The following KIRREL3 variants were observed in gnomAD, a reference collection of about 807,000 sequenced individuals.
The protein encoded by KIRREL3 is kirre like nephrin family adhesion molecule 3.
In KIRREL3, 36 loss-of-function variants were observed where a neutral mutation model predicts 89.7. The ratio of observed to expected loss-of-function variants is 0.40; its 90% CI spans 0.31 to 0.53. The LOEUF (loss-of-function observed/expected upper bound fraction) is 0.53, where lower values mean the gene tolerates loss of function less well. KIRREL3 is among the 20% of genes least tolerant of loss of function. The pLI, the probability that KIRREL3 is intolerant of heterozygous loss-of-function variation, is 0.49. For synonymous variants in KIRREL3, 445 were observed against 441.4 expected (o/e 1.01, Z -0.10); for missense variants, 864 against 1,056.6 (o/e 0.82, Z 2.53).
chr11:126,610,179 C>T lies in KIRREL3; in HGVS notation c.56-47267G>A, dbSNP rs146693037. Reference sequence around the variant, plus strand: ...GATCTCGGCTCACTGCAACCTTCGCCTCCCAGGTTCAAGCGATTCTCCTGC... The same window carrying T: ...GATCTCGGCTCACTGCAACCTTCGCTTCCCAGGTTCAAGCGATTCTCCTGC... On this transcript the variant is annotated intron_variant, in intron 1 of 16. Coordinates refer to ENST00000525144, the MANE Select transcript of KIRREL3 (RefSeq NM_032531.4). This position sits in a 1 kb window ranked among gnomAD's most constrained non-coding sequence, Gnocchi z 4.6. Among the ~76,000 whole-genome samples, 1,049 of 152,282 alleles carry T rather than the reference C, an allele frequency of 6.9e-3. 7 individuals are homozygous for T. Among genetic ancestry groups the T allele is most frequent in the African/African-American group, 0.024 (1,009 of 41,542 alleles).
Position 126,989,853 on chromosome 11 carries a change from G to A in KIRREL3, c.55+10602C>T, listed in dbSNP as rs1949974075. Among the ~76,000 whole-genome samples the A allele has an allele frequency of 6.6e-6, 1 of 152,214 alleles. No homozygotes were observed. Among genetic ancestry groups the A allele is most frequent in the African/African-American group, 2.4e-5 (1 of 41,452 alleles). On this transcript the variant is annotated intron_variant, in intron 1 of 16. Coordinates refer to ENST00000525144, the MANE Select transcript of KIRREL3 (RefSeq NM_032531.4). This position sits in a 1 kb window ranked among gnomAD's most constrained non-coding sequence, Gnocchi z 6.2. ...GATGTTCAAACAGCCATGGCCCGTGGTGGTTTTTTATAATGGTGTTGTTGG... is the reference window on the plus strand; with the variant it reads ...GATGTTCAAACAGCCATGGCCCGTGATGGTTTTTTATAATGGTGTTGTTGG...
chr11:126,513,499 C>T lies in KIRREL3; in HGVS notation c.433+7816G>A, dbSNP rs1316532672. Among the ~76,000 whole-genome samples the T allele has an allele frequency of 1.3e-5, 2 of 152,160 alleles. No individual in the cohort carries two copies. The highest frequency in any genetic ancestry group is 4.8e-5 in the African/African-American group (2 of 41,442). On this transcript the variant is annotated intron_variant, in intron 4 of 16. Transcript: ENST00000525144. This position sits in a 1 kb window ranked among gnomAD's most constrained non-coding sequence, Gnocchi z 5.9. Reference sequence around the variant, plus strand: ...GAAGGGAAAAGATGCGCTGAGTTTGCCTCCATCCCTGAGGGATCCTCTCTT... The same window carrying T: ...GAAGGGAAAAGATGCGCTGAGTTTGTCTCCATCCCTGAGGGATCCTCTCTT...
intron 1 of KIRREL3, among the ~76,000 whole-genome samples, chr11:126,717,228 G>A (rs1948000595): frequency 6.6e-6 from 1 of 152,186 alleles, no homozygotes. Context: ...CCTGAGGTTG[G>A]GAGTTAGGAG....
chr11:126,709,025 C>T lies in KIRREL3; in HGVS notation c.56-146113G>A, dbSNP rs909792115. 6.6e-5 allele frequency among the ~76,000 whole-genome samples: 10 copies of T among 152,310 alleles called. No individual in the cohort carries two copies. Among genetic ancestry groups the T allele is most frequent in the Admixed American group, 3.3e-4 (5 of 15,296 alleles). The stretch of plus-strand genomic sequence containing the variant: ...CACCCCAGGACAGCTTGTGTTATCA[C>T]GGCCAGGTGGATCTTTCTAGAACAC... On this transcript the variant is annotated intron_variant, in intron 1 of 16. Transcript: ENST00000525144. The surrounding 1 kb of genome is among the most constrained non-coding windows in gnomAD (Gnocchi z 4.0).
intron 1 of KIRREL3, among the ~76,000 whole-genome samples, chr11:126,827,390 C>G (rs969364550): frequency 5.9e-5 from 9 of 152,096 alleles, no homozygotes; most frequent in Admixed American, 2.0e-4. Flanking sequence ...ATTGGCCAGG[C>G]TGGTCTGGAA....
intron 1 of KIRREL3, among the ~76,000 whole-genome samples, chr11:126,785,526 T>C (rs1429097600): frequency 2.0e-5 from 3 of 152,072 alleles, no homozygotes; most frequent in African/African-American, 7.2e-5. Context: ...TACCGTCTGA[T>C]GCAATGTAAG....
At chr11:126,963,903 A>T (rs1422405092) in intron 1 of KIRREL3, among the ~76,000 whole-genome samples, 1 of 152,170 alleles carries the variant, frequency 6.6e-6, no homozygotes, top group East Asian at 1.9e-4. Flanking sequence ...AAAAATTTGC[A>T]CATGTCCCAT....
At position 126,476,882 on chromosome 11, in the gene KIRREL3, A is replaced by G. The variant is rs1271081785; in HGVS notation, c.434-3416T>C. ...GTATTATTCATCACCCCCTCGCAGG[A>G]TTGGTTATTATCCTCAACCACTATA... On this transcript the variant is annotated intron_variant, in intron 4 of 16. Coordinates refer to ENST00000525144, the MANE Select transcript of KIRREL3 (RefSeq NM_032531.4). The surrounding 1 kb of genome is among the most constrained non-coding windows in gnomAD (Gnocchi z 6.4). Among the ~76,000 whole-genome samples, 1 of 152,228 alleles carries G rather than the reference A, an allele frequency of 6.6e-6. No homozygotes were observed. Among genetic ancestry groups the G allele is most frequent in the African/African-American group, 2.4e-5 (1 of 41,458 alleles).
intron 1 of KIRREL3, among the ~76,000 whole-genome samples, chr11:126,815,710 T>C (rs1766110506): frequency 1.3e-5 from 2 of 152,032 alleles, no homozygotes; most frequent in African/African-American, 4.8e-5. Flanking sequence ...ATTTTTTGTA[T>C]GTTTTTAGTA....
chr11:126,470,785 T>G (rs1956864259), intron 5 of KIRREL3, among the ~76,000 whole-genome samples: 1 of 152,088 alleles, frequency 6.6e-6, no homozygotes, highest in Non-Finnish European at 1.5e-5. Flanking sequence ...GTGTCAGGAA[T>G]TGTGGTTCCA....
chr11:126,816,092 A>G (rs1951563651), intron 1 of KIRREL3, among the ~76,000 whole-genome samples: 1 of 152,226 alleles, frequency 6.6e-6, no homozygotes, highest in African/African-American at 2.4e-5. Context: ...AGTGATAATT[A>G]TTGAATTTTC....
At chr11:126,577,693 C>T (rs942111456) in intron 1 of KIRREL3, among the ~76,000 whole-genome samples, 3 of 150,898 alleles carry the variant, frequency 2.0e-5, no homozygotes, top group Non-Finnish European at 4.4e-5. Flanking sequence ...ACCCGGGAAG[C>T]GGAGGTTGCA....
At chr11:126,438,406 A>G (rs1246107533) in intron 11 of KIRREL3, among the ~76,000 whole-genome samples, 1 of 152,152 alleles carries the variant, frequency 6.6e-6, no homozygotes, top group African/African-American at 2.4e-5. Flanking sequence ...GCTTGCTGCT[A>G]TTGTCACGCT....
rs1357545952 is a variant in KIRREL3 at position 126,537,480 on chromosome 11, G to A, written c.134-10793C>T. 6.6e-6 allele frequency among the ~76,000 whole-genome samples: 1 copy of A among 152,170 alleles called. No homozygotes were observed. The highest frequency in any genetic ancestry group is 1.5e-5 in the Non-Finnish European group (1 of 68,038). ...ATCATAATATGGGGAAAGTAATGGAGGAGAAATGTCATTCTGGGGTAGGAA... is the reference window on the plus strand; with the variant it reads ...ATCATAATATGGGGAAAGTAATGGAAGAGAAATGTCATTCTGGGGTAGGAA... On this transcript the variant is annotated intron_variant, in intron 2 of 16. Transcript: ENST00000525144. This position sits in a 1 kb window ranked among gnomAD's most constrained non-coding sequence, Gnocchi z 4.3.
chr11:126,888,851 G>A (rs1487610489), intron 1 of KIRREL3, among the ~76,000 whole-genome samples: 1 of 152,180 alleles, frequency 6.6e-6, no homozygotes, highest in Non-Finnish European at 1.5e-5. Flanking sequence ...GTTTATGAAT[G>A]TATACACACC....
intron 8 of KIRREL3, among the ~76,000 whole-genome samples, chr11:126,447,764 G>A (rs1955878912): frequency 6.6e-6 from 1 of 152,222 alleles, no homozygotes; most frequent in Non-Finnish European, 1.5e-5. Flanking sequence ...CCTGAAGCCT[G>A]GTGCCAGGAG....
chr11:126,425,104 C>T, intron 16 of KIRREL3, 81 bp from the exon 17 acceptor site: 1 of 1,317,768 alleles, frequency 7.6e-7, no homozygotes, highest in Non-Finnish European at 1.0e-6. Flanking sequence ...TGAGCCCGTC[C>T]CCTTATGCGG....
rs1167259515 is a variant in KIRREL3, at chr11:126,705,849, G to C, written c.56-142937C>G. Among the ~76,000 whole-genome samples the C allele has an allele frequency of 6.6e-6, 1 of 152,196 alleles. No individual in the cohort carries two copies. The highest frequency in any genetic ancestry group is 1.5e-5 in the Non-Finnish European group (1 of 68,046). The stretch of plus-strand genomic sequence containing the variant: ...TTGACCACTAAAATGTTGAGAAAGT[G>C]ATGCTGCGTAACTTCTGGGAAAAAC... On this transcript the variant is annotated intron_variant, in intron 1 of 16. Coordinates refer to ENST00000525144, the MANE Select transcript of KIRREL3 (RefSeq NM_032531.4). This position sits in a 1 kb window ranked among gnomAD's most constrained non-coding sequence, Gnocchi z 4.3.
chr11:126,702,678 C>G (rs978386229), intron 1 of KIRREL3, among the ~76,000 whole-genome samples: 25 of 152,258 alleles, frequency 1.6e-4, no homozygotes, highest in African/African-American at 6.0e-4. Flanking sequence ...AAATTCCCTG[C>G]CTCGTCCCAC....
Sources: gnomAD v4.1 joint callset for allele counts (sites outside exome capture counted in the v4.1 genomes callset) on GRCh38, gnomAD v4.1.1 for gene constraint, Gnocchi (gnomAD v3.1) non-coding constraint, MANE v1.5 for transcripts, NCBI Gene and HGNC (gene_info 2026-07-23, HGNC 2026-07-21) for gene names.